Variants in SMC4 observed in about 807,000 individuals in gnomAD.
SMC4 encodes the protein structural maintenance of chromosomes protein 4.
In SMC4, 87 loss-of-function variants were observed where a neutral mutation model predicts 145.6. The observed-to-expected ratio is 0.60, with a 90% CI of 0.50 to 0.71. The LOEUF (loss-of-function observed/expected upper bound fraction) is 0.71, where lower values mean the gene tolerates loss of function less well. Among genes scored for constraint, SMC4 ranks in the 30% least tolerant of loss-of-function variants. The pLI, the probability that SMC4 is intolerant of heterozygous loss-of-function variation, is 0.00. For synonymous variants in SMC4, 558 were observed against 500.7 expected (o/e 1.11, Z -1.53); for missense variants, 1,447 against 1,537.1 (o/e 0.94, Z 0.98).
At chr3:160,423,355 TTTTG>T (rs374118241) in intron 13 of SMC4, 66 bp from the exon 14 acceptor site, 22,128 of 942,196 alleles carry the variant, frequency 0.023, 733 homozygotes, top group African/African-American at 0.068. Context: ...ATGGGTTTTT[TTTTG>T]TTTTTTTTTT....
intron 13 of SMC4, among the ~76,000 whole-genome samples, chr3:160,422,484 A>G (rs1717285871): frequency 6.6e-6 from 1 of 152,134 alleles, no homozygotes; most frequent in African/African-American, 2.4e-5. Context: ...GCCATTTGTT[A>G]TCTTCCTTGG....
At chr3:160,406,973 C>T (rs566500031) in intron 5 of SMC4, among the ~76,000 whole-genome samples, 10 of 152,208 alleles carry the variant, frequency 6.6e-5, no homozygotes, top group African/African-American at 2.2e-4. Context: ...TTTATATATA[C>T]CTACTTTGGG....
chr3:160,430,802 C>A, intron 19 of SMC4, 59 bp downstream of exon 19: 1 of 1,545,218 alleles, frequency 6.5e-7, no homozygotes, highest in Non-Finnish European at 8.7e-7. Context: ...ATTTAAAGAG[C>A]TGGATATATG....
intron 5 of SMC4, among the ~76,000 whole-genome samples, chr3:160,411,230 T>C (rs952101421): frequency 6.6e-6 from 1 of 152,246 alleles, no homozygotes; most frequent in Non-Finnish European, 1.5e-5. Flanking sequence ...AGTTTTCTGA[T>C]GTCTTATGTA....
In SMC4 at chr3:160,412,397, T is replaced by A; in HGVS notation, c.924T>A (p.Phe308Leu). Residue 308 changes from phenylalanine to leucine, a missense_variant, in exon 7 of 24, where the codon TTT (phenylalanine) becomes TTA (leucine). Transcript: ENST00000357388. The part of the protein sequence containing the change: ...LEGEKNIAIE[F>L]LTLENEIFRK... ...GAGAGAAAAACATAGCTATCGAATT[T>A]CTTACCTTGGAAAATGAAATATTTA... The A allele has an allele frequency of 6.2e-7, 1 of 1,606,408 alleles. No individual in the cohort carries two copies. Among genetic ancestry groups the A allele is most frequent in the Non-Finnish European group, 8.5e-7 (1 of 1,173,436 alleles).
In SMC4 at chr3:160,417,745, G is replaced by A. The variant is rs772500272; in HGVS notation, c.1460G>A (p.Gly487Asp). 1 of 1,612,118 alleles carries A rather than the reference G, an allele frequency of 6.2e-7. No individual in the cohort carries two copies. The highest frequency in any genetic ancestry group is 1.1e-5 in the South Asian group (1 of 91,032). ...EKESREKELM[G>D]FSKSVNEARS... is the part of the protein sequence containing the mutation. ...CAGAGTCGAGAGAAAGAACTTATGG[G>A]TTTCAGCAAATCGGTAAATGAAGCA... The change falls in exon 11 of 24, where the codon GGT becomes GAT. Residue 487 changes from glycine (G) to aspartate (D), a missense_variant. Coordinates refer to ENST00000357388, the MANE Select transcript of SMC4 (RefSeq NM_001002800.3).
At chr3:160,402,446 C>G (rs1260612417) in intron 3 of SMC4, among the ~76,000 whole-genome samples, 1 of 152,032 alleles carries the variant, frequency 6.6e-6, no homozygotes, top group East Asian at 1.9e-4. Context: ...AATGAGTTTT[C>G]TAAAACGTCT....
chr3:160,429,936 T>C (rs992586579), intron 18 of SMC4, among the ~76,000 whole-genome samples: 1 of 151,310 alleles, frequency 6.6e-6, no homozygotes, highest in Non-Finnish European at 1.5e-5. Context: ...AGGCTGGTCT[T>C]GAACTCCTGA....
rs1340894926 is a variant in SMC4, at chr3:160,411,840, T to C, written c.688-80T>C. On this transcript the variant is annotated intron_variant, in intron 5 of 23. Coordinates refer to ENST00000357388, the MANE Select transcript of SMC4 (RefSeq NM_001002800.3). ...ATGTTTATTACTCTTGGCTTTATTA[T>C]TTAACTGCTCCCAATTCTCACTTAA... 4.1e-6 allele frequency: 5 copies of C among 1,209,408 alleles called. No homozygotes were observed. In the African/African-American group the frequency reaches 6.1e-5, roughly 15 times the overall value. The allele number at this position is 1,209,408 out of a possible 1,614,324, so 74.9% of individuals were successfully genotyped here. A position where few individuals can be genotyped will look rare whatever the true frequency, so the allele number is the denominator to read the frequency against.
chr3:160,400,696 C>A, intron 1 of SMC4, 126 bp from the exon 2 acceptor site: 1 of 1,231,134 alleles, frequency 8.1e-7, no homozygotes, highest in Non-Finnish European at 1.1e-6. Context: ...CCCGAAGTCC[C>A]GCTGCCTCTA....
At chr3:160,428,729 A>G in intron 17 of SMC4, 24 bp from the exon 18 acceptor site, 2 of 1,555,052 alleles carry the variant, frequency 1.3e-6, no homozygotes, top group South Asian at 2.5e-5. Flanking sequence ...AACACAAATT[A>G]GGTTCTTTAT....
intron 22 of SMC4, 59 bp downstream of exon 22, chr3:160,432,574 A>G: frequency 9.1e-7 from 1 of 1,099,652 alleles, no homozygotes; most frequent in Non-Finnish European, 1.3e-6. Context: ...TATTCTCCAA[A>G]CTCAGTATTT....
Position 160,417,931 on chromosome 3 carries a change from C to T in SMC4, c.1646C>T (p.Pro549Leu), listed in dbSNP as rs1716760825. 1 of 1,611,902 alleles carries T rather than the reference C, an allele frequency of 6.2e-7. No homozygotes were observed. Among genetic ancestry groups the T allele is most frequent in the Non-Finnish European group, 8.5e-7 (1 of 1,179,172 alleles). ...AAIRDIEGKL[P>L]QTEQELKEKE... Reference sequence around the variant, plus strand: ...ATCAGAGATATAGAAGGAAAACTCCCTCAAACTGAACAAGAATTAAAGGAG... The same window carrying T: ...ATCAGAGATATAGAAGGAAAACTCCTTCAAACTGAACAAGAATTAAAGGAG... The change falls in exon 11 of 24, where the codon CCT becomes CTT. Residue 549 changes from proline to leucine, a missense_variant. Transcript: ENST00000357388.
intron 17 of SMC4, among the ~76,000 whole-genome samples, chr3:160,426,598 A>AAT (rs906221058): frequency 3.9e-4 from 59 of 151,970 alleles, no homozygotes; most frequent in African/African-American, 7.0e-4. Flanking sequence ...GAAAACTTAA[A>AAT]ATATATATAT....
chr3:160,413,841 G>A (rs190275723), intron 8 of SMC4: 49 of 347,382 alleles, frequency 1.4e-4, no homozygotes, highest in African/African-American at 9.0e-4. Context: ...CCCTAGTGGC[G>A]TAGCACAGTA....
chr3:160,411,670 C>T, intron 5 of SMC4: 1 of 293,600 alleles, frequency 3.4e-6, no homozygotes, highest in Non-Finnish European at 6.4e-6. Context: ...GTATATTACA[C>T]TTTTATAAGG....
chr3:160,401,518 G>T, intron 2 of SMC4, among the ~76,000 whole-genome samples: 1 of 152,104 alleles, frequency 6.6e-6, no homozygotes, highest in East Asian at 1.9e-4. Context: ...AAGGTTCCAG[G>T]TGCTCAGCGG....
In SMC4 at chr3:160,400,821, G is replaced by A. The variant is rs1714514782; in HGVS notation, c.-5-1G>A. ...TGCTCCCGGCTGTCCCCCGGCCCCA[G>A]CGACCATGCCCCGTAAAGGCACCCA... On this transcript the variant is annotated splice_acceptor_variant, in intron 1 of 23. Transcript: ENST00000357388. LOFTEE classifies it low-confidence loss of function (5UTR_SPLICE). 1.3e-6 allele frequency: 2 copies of A among 1,524,848 alleles called. No homozygotes were observed. Among genetic ancestry groups the A allele is most frequent in the South Asian group, 1.2e-5 (1 of 82,836 alleles). The allele number at this position is 1,524,848 out of a possible 1,614,324, so 94.5% of individuals were successfully genotyped here. A position where few individuals can be genotyped will look rare whatever the true frequency, so the allele number is the denominator to read the frequency against.
chr3:160,405,158 A>G (rs1273301022), intron 5 of SMC4, among the ~76,000 whole-genome samples: 1 of 152,078 alleles, frequency 6.6e-6, no homozygotes, highest in Non-Finnish European at 1.5e-5. Flanking sequence ...GCTGTTACAG[A>G]GCAAGTCCTT....
Sources: gnomAD v4.1 joint callset for allele counts (sites outside exome capture counted in the v4.1 genomes callset) on GRCh38, gnomAD v4.1.1 for gene constraint, MANE v1.5 for transcripts, NCBI Gene and HGNC (gene_info 2026-07-23, HGNC 2026-07-21) for gene names.